SOBP: variants seen among roughly 807,000 people sequenced by gnomAD.
SOBP encodes sine oculis-binding protein homolog.
Under a neutral mutation model 53.6 loss-of-function variants are expected in SOBP, and 4 were observed. The ratio of observed to expected loss-of-function variants is 0.07; its 90% CI spans 0.04 to 0.17. SOBP has a LOEUF of 0.17. Among genes scored for constraint, SOBP ranks in the 10% least tolerant of loss-of-function variants. SOBP has a pLI of 1.00. For missense variants in SOBP, 1,088 were observed against 1,204.7 expected (o/e 0.90, Z 1.43); for synonymous variants, 584 against 522.6 (o/e 1.12, Z -1.60).
chr6:107,609,651 G>A lies in SOBP; in HGVS notation c.669+22476G>A, dbSNP rs1462560764. 2.6e-5 allele frequency among the ~76,000 whole-genome samples: 4 copies of A among 152,216 alleles called. No homozygotes were observed. In the South Asian group the frequency reaches 8.3e-4, roughly 31 times the overall value. Reference sequence around the variant, plus strand: ...AGGGTCTTTCAGGCTGAGGTAGTAAGTGGTGTTGGCAGCCCTGGTGAGGGG... The same window carrying A: ...AGGGTCTTTCAGGCTGAGGTAGTAAATGGTGTTGGCAGCCCTGGTGAGGGG... On this transcript the variant is annotated intron_variant, in intron 5 of 6. Transcript: ENST00000317357.
chr6:107,571,474 G>A lies in SOBP; in HGVS notation c.574-15606G>A, dbSNP rs76300137. On this transcript the variant is annotated intron_variant, in intron 4 of 6. Coordinates refer to ENST00000317357, the MANE Select transcript of SOBP (RefSeq NM_018013.4). ...TCCTTGGCTGAGGAGAAGCCCAGTC[G>A]GAGCCTCCCCTTAACGCCTGAGCTT... Among the ~76,000 whole-genome samples, 1,159 of 152,290 alleles carry A rather than the reference G, an allele frequency of 7.6e-3. 9 individuals are homozygous for A. The highest frequency in any genetic ancestry group is 0.026 in the African/African-American group (1,087 of 41,562).
At chr6:107,619,527 G>T (rs1786924463) in intron 5 of SOBP, among the ~76,000 whole-genome samples, 1 of 152,076 alleles carries the variant, frequency 6.6e-6, no homozygotes, top group Non-Finnish European at 1.5e-5. Context: ...GCATTTATTG[G>T]TGGATCTAGT....
At chr6:107,496,030 A>G (rs931312255) in intron 1 of SOBP, among the ~76,000 whole-genome samples, 3 of 152,138 alleles carry the variant, frequency 2.0e-5, no homozygotes, top group African/African-American at 7.2e-5. Context: ...TGATAGTGCC[A>G]ATTGAAACAT....
chr6:107,504,759 C>A (rs751628264), intron 2 of SOBP, among the ~76,000 whole-genome samples: 12 of 152,172 alleles, frequency 7.9e-5, no homozygotes, highest in Non-Finnish European at 1.8e-4. Context: ...GCCCTGCAGG[C>A]AAGTGGAATT....
At chr6:107,570,151 A>G (rs1017994515) in intron 4 of SOBP, among the ~76,000 whole-genome samples, 2 of 152,164 alleles carry the variant, frequency 1.3e-5, no homozygotes, top group Non-Finnish European at 1.5e-5. Context: ...TTCCCCTTAC[A>G]CATTTATTGT....
intron 5 of SOBP, among the ~76,000 whole-genome samples, chr6:107,629,971 G>A (rs1770634978): frequency 6.6e-6 from 1 of 152,178 alleles, no homozygotes; most frequent in African/African-American, 2.4e-5. Flanking sequence ...ATTTGTGATA[G>A]GAAGCATTTC....
chr6:107,567,763 A>C (rs1784959289), intron 4 of SOBP, among the ~76,000 whole-genome samples: 1 of 152,234 alleles, frequency 6.6e-6, no homozygotes, highest in South Asian at 2.1e-4. Flanking sequence ...TTCTTGATCC[A>C]ATAAGGACAT....
In SOBP at chr6:107,601,278, C is replaced by A. The variant is rs74710061; in HGVS notation, c.669+14103C>A. Among the ~76,000 whole-genome samples, 1,173 of 152,286 alleles carry A rather than the reference C, an allele frequency of 7.7e-3. 8 individuals carry two copies. The highest frequency in any genetic ancestry group is 0.013 in the Non-Finnish European group (895 of 68,010). On this transcript the variant is annotated intron_variant, in intron 5 of 6. Coordinates refer to ENST00000317357, the MANE Select transcript of SOBP (RefSeq NM_018013.4). ...CTCTGACAGCTCTCTGTGGCCCCGT[C>A]CCTAAACTATGGCACATCTTGTCCT...
chr6:107,636,055 C>T (rs1373441057), intron 6 of SOBP, among the ~76,000 whole-genome samples: 6 of 152,234 alleles, frequency 3.9e-5, no homozygotes, highest in East Asian at 1.9e-4. Context: ...ACCCAGGCCA[C>T]TGAGTCCTAT....
intron 5 of SOBP, among the ~76,000 whole-genome samples, chr6:107,593,618 C>T (rs1014770241): frequency 3.9e-5 from 6 of 152,112 alleles, no homozygotes; most frequent in South Asian, 2.1e-4. Context: ...ATCAATATGA[C>T]GAGAATAAAT....
chr6:107,578,649 T>C (rs866069611), intron 4 of SOBP, among the ~76,000 whole-genome samples: 14 of 152,210 alleles, frequency 9.2e-5, no homozygotes, highest in African/African-American at 3.4e-4. Context: ...TTAAATGAGT[T>C]GATACATATA....
At chr6:107,614,221 G>A (rs1489297466) in intron 5 of SOBP, among the ~76,000 whole-genome samples, 1 of 152,148 alleles carries the variant, frequency 6.6e-6, no homozygotes, top group Non-Finnish European at 1.5e-5. Context: ...GGGCAATATA[G>A]CGAGATCCCA....
chr6:107,564,415 C>G (rs897797252), intron 4 of SOBP, among the ~76,000 whole-genome samples: 1 of 152,186 alleles, frequency 6.6e-6, no homozygotes, highest in African/African-American at 2.4e-5. Context: ...TTAATAAGGG[C>G]TGGATAATTT....
chr6:107,525,107 G>GTGCT (rs1457343802), intron 3 of SOBP, among the ~76,000 whole-genome samples: 2 of 152,140 alleles, frequency 1.3e-5, no homozygotes, highest in African/African-American at 4.8e-5. Context: ...TCTGTGGAAC[G>GTGCT]TGCTTTTGGA....
intron 4 of SOBP, among the ~76,000 whole-genome samples, chr6:107,555,144 C>T (rs1194479474): frequency 6.6e-6 from 1 of 151,608 alleles, no homozygotes; most frequent in Non-Finnish European, 1.5e-5. Flanking sequence ...TCCACCCACC[C>T]GTTCTCCCAC....
intron 4 of SOBP, among the ~76,000 whole-genome samples, chr6:107,555,612 C>T (rs1377185938): frequency 2.0e-5 from 3 of 152,234 alleles, no homozygotes; most frequent in South Asian, 2.1e-4. Flanking sequence ...CAAGGCACTG[C>T]GCCCTACGTG....
At chr6:107,647,861 A>G (rs962101704) in intron 6 of SOBP, among the ~76,000 whole-genome samples, 1 of 152,082 alleles carries the variant, frequency 6.6e-6, no homozygotes, top group African/African-American at 2.4e-5. Flanking sequence ...CCAGAGAGAA[A>G]ATAGGTTGTG....
chr6:107,614,005 A>G (rs1414012713), intron 5 of SOBP, among the ~76,000 whole-genome samples: 2 of 152,172 alleles, frequency 1.3e-5, no homozygotes, highest in Non-Finnish European at 2.9e-5. Flanking sequence ...GCAGGTTCAG[A>G]AGTATGTTGT....
intron 5 of SOBP, among the ~76,000 whole-genome samples, chr6:107,627,827 C>T (rs1438918874): frequency 6.6e-6 from 1 of 152,228 alleles, no homozygotes; most frequent in Non-Finnish European, 1.5e-5. Flanking sequence ...CTTTGCATGT[C>T]TATGACTAGG....
Sources: gnomAD v4.1 joint callset for allele counts (sites outside exome capture counted in the v4.1 genomes callset) on GRCh38, gnomAD v4.1.1 for gene constraint, MANE v1.5 for transcripts, NCBI Gene and HGNC (gene_info 2026-07-23, HGNC 2026-07-21) for gene names.